Variants in SLC2A13 observed in about 807,000 individuals in gnomAD.
The protein encoded by SLC2A13 is proton myo-inositol cotransporter.
SLC2A13 carries 32 observed loss-of-function variants against 64.4 expected under a neutral mutation model. The ratio of observed to expected loss-of-function variants is 0.50; its 90% confidence interval spans 0.37 to 0.67. SLC2A13 has a LOEUF of 0.67. Ranked by LOEUF, SLC2A13 falls within the 30% of genes least tolerant of loss-of-function variation. The probability of loss-of-function intolerance (pLI) is 0.00; values close to 1 mark genes in which losing one functional copy is unlikely to be tolerated. For missense variants in SLC2A13, 743 were observed against 829.2 expected (o/e 0.90, Z 1.28); for synonymous variants, 338 against 327.1 (o/e 1.03, Z -0.36).
intron 3 of SLC2A13, among the ~76,000 whole-genome samples, chr12:39,953,239 C>T (rs1230062293): frequency 6.6e-6 from 1 of 152,096 alleles, no homozygotes; most frequent in Non-Finnish European, 1.5e-5. Flanking sequence ...TAAGCTATTG[C>T]ATAAACATCA....
intron 6 of SLC2A13, among the ~76,000 whole-genome samples, chr12:39,849,926 T>C (rs1943422922): frequency 6.6e-6 from 1 of 152,182 alleles, no homozygotes; most frequent in African/African-American, 2.4e-5. Context: ...TGTTTCTTCT[T>C]CTGTTTTTGT....
chr12:39,765,722 T>TA (rs1332806886), intron 7 of SLC2A13, among the ~76,000 whole-genome samples: 1 of 152,196 alleles, frequency 6.6e-6, no homozygotes, highest in Admixed American at 6.5e-5. Flanking sequence ...TGGCCTCATT[T>TA]AAAAAAATTA....
chr12:39,893,438 T>C (rs1419344827), intron 4 of SLC2A13, among the ~76,000 whole-genome samples: 1 of 152,230 alleles, frequency 6.6e-6, no homozygotes, highest in African/African-American at 2.4e-5. Flanking sequence ...TGGCTGGGAC[T>C]ACAGGTGCGT....
chr12:40,085,230 C>T (rs1381692310), intron 1 of SLC2A13, among the ~76,000 whole-genome samples: 1 of 152,106 alleles, frequency 6.6e-6, no homozygotes, highest in African/African-American at 2.4e-5. Flanking sequence ...CTGTTTGTAT[C>T]CTTTGAAATA....
At position 39,923,694 on chromosome 12, in the gene SLC2A13, G is replaced by GCACACACACACACACACACA. The variant is rs200530373; in HGVS notation, c.1034+27562_1034+27563insTGTGTGTGTGTGTGTGTGTG. 5.1e-5 allele frequency among the ~76,000 whole-genome samples: 7 copies of GCACACACACACACACACACA among 137,322 alleles called. 1 individual carries two copies. Among genetic ancestry groups the GCACACACACACACACACACA allele is most frequent in the South Asian group, 4.9e-4 (2 of 4,086 alleles). The allele number at this position is 137,322 out of a possible 152,430, so 90.1% of individuals were successfully genotyped here. Reference sequence around the variant, plus strand: ...TATATATATATATATATATGCGCACGCGCACACACACACACACACACACAC... The same window carrying GCACACACACACACACACACA: ...TATATATATATATATATATGCGCACGCACACACACACACACACACACGCACACACACACACACACACACAC... On this transcript the variant is annotated intron_variant, in intron 4 of 9. Coordinates refer to ENST00000280871, the MANE Select transcript of SLC2A13 (RefSeq NM_052885.4).
chr12:39,910,954 G>C (rs1255340655), intron 4 of SLC2A13, among the ~76,000 whole-genome samples: 1 of 151,944 alleles, frequency 6.6e-6, no homozygotes, highest in Admixed American at 6.6e-5. Flanking sequence ...TGTAGTGGCA[G>C]GTGCTTGTAA....
intron 7 of SLC2A13, among the ~76,000 whole-genome samples, chr12:39,809,434 C>A (rs994103604): frequency 1.3e-5 from 2 of 152,016 alleles, no homozygotes; most frequent in African/African-American, 4.8e-5. Flanking sequence ...TTTTATAGAA[C>A]TGTTTATAGG....
rs1442417536 is a variant in SLC2A13, at chr12:39,757,145, C to CT, written c.*2880dup. 1.3e-5 allele frequency: 2 copies of CT among 151,744 alleles called. No individual in the cohort carries two copies. The highest frequency in any genetic ancestry group is 4.8e-5 in the African/African-American group (2 of 41,374). The allele number at this position is 151,744 out of a possible 1,614,324, so 9.4% of individuals were successfully genotyped here. A position where few individuals can be genotyped will look rare whatever the true frequency, so the allele number is the denominator to read the frequency against. On this transcript the variant is annotated 3_prime_UTR_variant, in exon 10 of 10. Coordinates refer to ENST00000280871, the MANE Select transcript of SLC2A13 (RefSeq NM_052885.4). ...ATATGCAGATGAAATGATATATCCT[C>CT]TTAAGTCTAGTGCAGATCAGACATC... is the stretch of plus-strand genomic sequence containing the variant.
chr12:39,819,376 G>A (rs1942426445), intron 7 of SLC2A13, among the ~76,000 whole-genome samples: 1 of 151,996 alleles, frequency 6.6e-6, no homozygotes, highest in African/African-American at 2.4e-5. Flanking sequence ...ATATTAAGGT[G>A]GCAATACATA....
chr12:40,036,953 G>A (rs1005680402), intron 2 of SLC2A13, among the ~76,000 whole-genome samples: 1 of 152,120 alleles, frequency 6.6e-6, no homozygotes, highest in South Asian at 2.1e-4. Context: ...TATCATAAAT[G>A]AATGTTATTC....
chr12:40,034,931 C>T (rs1565599097), intron 2 of SLC2A13, among the ~76,000 whole-genome samples: 1 of 152,174 alleles, frequency 6.6e-6, no homozygotes, highest in East Asian at 1.9e-4. Context: ...AGCACTACAG[C>T]TAATCACTGA....
intron 1 of SLC2A13, among the ~76,000 whole-genome samples, chr12:40,095,710 C>T (rs1362371483): frequency 6.6e-6 from 1 of 152,134 alleles, no homozygotes; most frequent in Non-Finnish European, 1.5e-5. Flanking sequence ...GAATTATTAG[C>T]AACTTTACAA....
intron 5 of SLC2A13, among the ~76,000 whole-genome samples, chr12:39,868,599 C>A (rs992816109): frequency 6.6e-6 from 1 of 152,038 alleles, no homozygotes; most frequent in African/African-American, 2.4e-5. Flanking sequence ...TGATGAAGAC[C>A]GTCTGTGAGT....
rs1259692080 is a variant in SLC2A13, at chr12:40,106,073, G to C, written c.-265C>G. 5 of 322,170 alleles carry C rather than the reference G, an allele frequency of 1.6e-5. No individual in the cohort carries two copies. Among genetic ancestry groups the C allele is most frequent in the Non-Finnish European group, 2.8e-5 (5 of 181,000 alleles). The allele number at this position is 322,170 out of a possible 1,614,324, so 20.0% of individuals were successfully genotyped here. ...CCCGCGCCTGCCGAGCTGGCGCTGC[G>C]GAGCGGGCGGGAGGCGGGACCGCGG... On this transcript the variant is annotated 5_prime_UTR_variant, in exon 1 of 10. Coordinates refer to ENST00000280871, the MANE Select transcript of SLC2A13 (RefSeq NM_052885.4).
At chr12:39,794,582 G>A (rs1255889399) in intron 7 of SLC2A13, among the ~76,000 whole-genome samples, 1 of 152,114 alleles carries the variant, frequency 6.6e-6, no homozygotes, top group East Asian at 1.9e-4. Context: ...AGAAGGCAAA[G>A]GCAGGTTCAA....
chr12:40,061,712 T>G (rs1017971058), intron 1 of SLC2A13, among the ~76,000 whole-genome samples: 2 of 151,588 alleles, frequency 1.3e-5, no homozygotes, highest in African/African-American at 4.8e-5. Flanking sequence ...CCCATGAACA[T>G]CAAAAGATGA....
At chr12:40,060,461 A>G (rs948677418) in intron 1 of SLC2A13, among the ~76,000 whole-genome samples, 1 of 152,190 alleles carries the variant, frequency 6.6e-6, no homozygotes, top group Non-Finnish European at 1.5e-5. Flanking sequence ...TCAGAAATCA[A>G]CGCAGAAAGG....
chr12:39,896,506 G>GTGTGTA (rs1944903996), intron 4 of SLC2A13, among the ~76,000 whole-genome samples: 2 of 142,944 alleles, frequency 1.4e-5, no homozygotes, highest in East Asian at 2.1e-4. Flanking sequence ...ATATATGTAT[G>GTGTGTA]TACATGTGTG....
At chr12:39,804,048 A>C (rs905470401) in intron 7 of SLC2A13, among the ~76,000 whole-genome samples, 1 of 152,164 alleles carries the variant, frequency 6.6e-6, no homozygotes, top group Non-Finnish European at 1.5e-5. Flanking sequence ...ACAAGAAATA[A>C]TGAAAAAAAC....
Sources: gnomAD v4.1 joint callset for allele counts (sites outside exome capture counted in the v4.1 genomes callset) on GRCh38, gnomAD v4.1.1 for gene constraint, MANE v1.5 for transcripts, NCBI Gene and HGNC (gene_info 2026-07-23, HGNC 2026-07-21) for gene names.